Variants in PSG5 observed in about 807,000 individuals in gnomAD.
The protein encoded by PSG5 is pregnancy-specific beta-1-glycoprotein 5.
In PSG5, 53 loss-of-function variants were observed where a neutral mutation model predicts 37.7. The ratio of observed to expected loss-of-function variants is 1.41; its 90% confidence interval spans 1.13 to 1.77. The LOEUF is 1.77. Among genes scored for constraint, PSG5 ranks in the 40% most tolerant of loss-of-function variants. PSG5 has a pLI of 0.00. For missense variants in PSG5, 547 were observed against 405.2 expected (o/e 1.35, Z -3.00); for synonymous variants, 221 against 155.4 (o/e 1.42, Z -3.14).
Position 43,175,914 on chromosome 19 carries a change from C to T in PSG5, c.665G>A (p.Arg222Gln), listed in dbSNP as rs764836747. The T allele has an allele frequency of 2.0e-5, 33 of 1,612,318 alleles. No individual in the cohort carries two copies. The highest frequency in any genetic ancestry group is 5.4e-5 in the African/African-American group (4 of 74,480). ...TGGGTCACTGCGCATGCCACCATCT[C>T]GGTCCCGTATTTCACATTCATAGGG... is the stretch of plus-strand genomic sequence containing the variant. The part of the protein sequence containing the change: ...TGPYECEIRD[R>Q]DGGMRSDPVT... Residue 222 changes from arginine (R) to glutamine (Q), a missense_variant, in exon 3 of 6, where the codon CGA becomes CAA. Physicochemically the swap from Arg to Gln is conservative, Grantham distance 43. Transcript: ENST00000342951.
At position 43,177,799 on chromosome 19, in the gene PSG5, T is replaced by G. The variant is rs894677988; in HGVS notation, c.431-1651A>C. 4.0e-5 allele frequency among the ~76,000 whole-genome samples: 6 copies of G among 151,722 alleles called. No individual in the cohort carries two copies. The East Asian group carries it at 5.8e-4, about 15-fold the overall frequency. ...GTAGGAGTTGCACTGTATCTGCAAC[T>G]TGCTTTGGGTAGTATTGTCTTTCTA... is the stretch of plus-strand genomic sequence containing the variant. On this transcript the variant is annotated intron_variant, in intron 2 of 5. Transcript: ENST00000342951.
chr19:43,184,873 G>C lies in PSG5; in HGVS notation c.339C>G (p.Thr113=), dbSNP rs780147060. The C allele has an allele frequency of 1.9e-6, 3 of 1,612,414 alleles. No homozygotes were observed. The highest frequency in any genetic ancestry group is 4.5e-5 in the East Asian group (2 of 44,882). The change falls in exon 2 of 6, where the codon ACC becomes ACG. Residue 113 remains threonine, a synonymous_variant. Transcript: ENST00000342951. Reference sequence around the variant, plus strand: ...AGGTGTAGGATCCTGCGTCTTCCCGGGTGACATTCTGGATCAGCAGGGATG... The same window carrying C: ...AGGTGTAGGATCCTGCGTCTTCCCGCGTGACATTCTGGATCAGCAGGGATG... The part of the protein sequence containing the change: ...SNASLLIQNV[T]REDAGSYTLH...
chr19:43,167,780 G>A lies in PSG5; in HGVS notation c.*464C>T, dbSNP rs1968818489. The A allele has an allele frequency of 9.9e-6, 2 of 201,744 alleles. No individual in the cohort carries two copies. The highest frequency in any genetic ancestry group is 2.0e-5 in the Non-Finnish European group (2 of 100,622). 12.5% of individuals were successfully genotyped at this position (201,744 alleles called of 1,614,324 possible). Reference sequence around the variant, plus strand: ...GATAACTTTATTACCATAAACATATGAATACTCATGAATAGTTTCCCAATT... The same window carrying A: ...GATAACTTTATTACCATAAACATATAAATACTCATGAATAGTTTCCCAATT... On this transcript the variant is annotated 3_prime_UTR_variant, in exon 6 of 6. Transcript: ENST00000342951.
intron 1 of PSG5, 69 bp from the exon 2 acceptor site, chr19:43,185,216 G>T (rs1176656074): frequency 6.0e-6 from 9 of 1,489,032 alleles, no homozygotes; most frequent in African/African-American, 4.3e-5. Flanking sequence ...GGAGCCCTGG[G>T]TCCTGAGAAG....
intron 2 of PSG5, chr19:43,183,607 A>G (rs1599755524): frequency 2.7e-6 from 1 of 364,168 alleles, no homozygotes; most frequent in East Asian, 7.9e-5. Flanking sequence ...TATTTTTTGC[A>G]CTGACTCTGA....
At chr19:43,170,560 A>C (rs1471130110) in intron 4 of PSG5, 7 of 394,180 alleles carry the variant, frequency 1.8e-5, no homozygotes, top group Non-Finnish European at 3.5e-5. Context: ...CGTGCATTTC[A>C]CATTCATCAC....
At chr19:43,169,974 A>G (rs894318685) in intron 5 of PSG5, 81 bp downstream of exon 5, 27 of 859,594 alleles carry the variant, frequency 3.1e-5, no homozygotes, top group Non-Finnish European at 5.1e-5. Flanking sequence ...AGTCCCAGAT[A>G]CAAGCAAATA....
intron 2 of PSG5, among the ~76,000 whole-genome samples, chr19:43,178,679 A>T (rs1405294286): frequency 6.6e-6 from 1 of 151,620 alleles, no homozygotes; most frequent in Non-Finnish European, 1.5e-5. Context: ...GTCTCCCATG[A>T]CAGGAGCAGC....
chr19:43,179,099 C>T, intron 2 of PSG5: 1 of 1,609,380 alleles, frequency 6.2e-7, no homozygotes, highest in Non-Finnish European at 8.5e-7. Context: ...AGATCACAGC[C>T]TCCATGGCCT....
At position 43,170,173 on chromosome 19, in the gene PSG5, G is replaced by A. The variant is rs150432755; in HGVS notation, c.965-35C>T. The A allele has an allele frequency of 1.3e-4, 194 of 1,536,262 alleles. 4 individuals carry two copies. In the East Asian group the frequency reaches 3.3e-3, roughly 26 times the overall value. ...AAAGAAAAGTAAAGAAGGAATGAAG[G>A]TGATGTTATTTTACATGGGGGAGCC... On this transcript the variant is annotated intron_variant, in intron 4 of 5. Transcript: ENST00000342951.
At chr19:43,174,465 C>T in intron 4 of PSG5, 1 of 772,430 alleles carries the variant, frequency 1.3e-6, no homozygotes, top group Non-Finnish European at 1.6e-6. Flanking sequence ...TCCAGCTCTG[C>T]ATCAGTCACT....
At position 43,183,183 on chromosome 19, in the gene PSG5, T is replaced by C. The variant is rs563670429; in HGVS notation, c.430+1599A>G. On this transcript the variant is annotated intron_variant, in intron 2 of 5. Coordinates refer to ENST00000342951, the MANE Select transcript of PSG5 (RefSeq NM_002781.4). ...GACCCCAGGGACCAGCTGCCCCCAG[T>C]TCCACAGTCCAGGACAAAGGAGCCC... is the stretch of plus-strand genomic sequence containing the variant. 14 of 270,914 alleles carry C rather than the reference T, an allele frequency of 5.2e-5. 1 individual carries two copies. The highest frequency in any genetic ancestry group is 1.0e-4 in the South Asian group (3 of 29,194). 16.8% of individuals were successfully genotyped at this position (270,914 alleles called of 1,614,324 possible). A position where few individuals can be genotyped will look rare whatever the true frequency, so the allele number is the denominator to read the frequency against.
At position 43,173,120 on chromosome 19, in the gene PSG5, G is replaced by T. The variant is rs1395311169; in HGVS notation, c.964+2095C>A. ...TGGAGTGTTCCAAGATCATTCAATG[G>T]GGAACGGACAGTGTTCTCACCAAAT... On this transcript the variant is annotated intron_variant, in intron 4 of 5. Coordinates refer to ENST00000342951, the MANE Select transcript of PSG5 (RefSeq NM_002781.4). Among the ~76,000 whole-genome samples the T allele has an allele frequency of 2.0e-5, 3 of 151,590 alleles. 1 individual carries two copies. The highest frequency in any genetic ancestry group is 4.4e-5 in the Non-Finnish European group (3 of 67,894).
chr19:43,181,283 A>G (rs57592674), intron 2 of PSG5, among the ~76,000 whole-genome samples: 30,641 of 151,460 alleles, frequency 0.2, 4,102 homozygotes, highest in East Asian at 0.6. Flanking sequence ...TGCTATTGCC[A>G]AAACAAAATA....
At position 43,175,706 on chromosome 19, in the gene PSG5, G is replaced by T. The variant is rs1968993880; in HGVS notation, c.709+164C>A. The T allele has an allele frequency of 4.9e-6, 7 of 1,441,522 alleles. 1 individual carries two copies. The highest frequency in any genetic ancestry group is 2.9e-5 in the African/African-American group (2 of 69,608). The allele number at this position is 1,441,522 out of a possible 1,614,324, so 89.3% of individuals were successfully genotyped here. ...CCCTCCCCTTATATTCCTGGTTAAG[G>T]CTGTGCCTACCTAGGTTTTCCAAGG... On this transcript the variant is annotated intron_variant, in intron 3 of 5. Transcript: ENST00000342951.
intron 2 of PSG5, among the ~76,000 whole-genome samples, chr19:43,178,320 G>A (rs1453533989): frequency 6.6e-6 from 1 of 151,498 alleles, no homozygotes; most frequent in Non-Finnish European, 1.5e-5. Flanking sequence ...TTGGTGATTT[G>A]GGGAATAAAG....
chr19:43,185,345 G>C (rs546804287), intron 1 of PSG5, among the ~76,000 whole-genome samples, 198 bp from the exon 2 acceptor site: 1 of 151,042 alleles, frequency 6.6e-6, no homozygotes, highest in Non-Finnish European at 1.5e-5. Flanking sequence ...CTAGGTCAAG[G>C]TCAGCAGCGT....
intron 2 of PSG5, among the ~76,000 whole-genome samples, chr19:43,176,621 C>T (rs867154472): frequency 4.6e-5 from 7 of 151,154 alleles, no homozygotes; most frequent in Admixed American, 2.0e-4. Flanking sequence ...GTCCTGAAAC[C>T]CTGAAGATAC....
intron 4 of PSG5, among the ~76,000 whole-genome samples, chr19:43,172,691 A>G (rs1968930112): frequency 6.6e-6 from 1 of 151,680 alleles, no homozygotes; most frequent in African/African-American, 2.4e-5. Flanking sequence ...TGAAATAATT[A>G]TACCTGAAAT....
Sources: allele counts gnomAD v4.1 joint callset (sites outside exome capture counted in the v4.1 genomes callset), GRCh38; gene constraint gnomAD v4.1.1; transcripts MANE v1.5; gene names NCBI Gene and HGNC (gene_info 2026-07-23, HGNC 2026-07-21).